UNK: variants seen among roughly 807,000 people sequenced by gnomAD.
UNK encodes RING finger protein unkempt homolog.
In UNK, 32 loss-of-function variants were observed where a neutral mutation model predicts 97.6. The ratio of observed to expected loss-of-function variants is 0.33; its 90% CI spans 0.25 to 0.44. The LOEUF (loss-of-function observed/expected upper bound fraction) is 0.44, where lower values mean the gene tolerates loss of function less well. Ranked by LOEUF, UNK falls within the 20% of genes least tolerant of loss-of-function variation. The probability of loss-of-function intolerance (pLI) is 1.00; values close to 1 mark genes in which losing one functional copy is unlikely to be tolerated. For synonymous variants in UNK, 441 were observed against 461.2 expected, an observed-to-expected ratio of 0.96 and a Z score of 0.56; for missense variants, 771 against 1,098.4, an observed-to-expected ratio of 0.70 and a Z score of 4.21.
intron 1 of UNK, among the ~76,000 whole-genome samples, chr17:75,804,014 T>C (rs554955598): frequency 6.6e-6 from 1 of 152,372 alleles, no homozygotes; most frequent in East Asian, 1.9e-4. Flanking sequence ...TCATATGTCA[T>C]GTTAAACTGC....
In UNK at chr17:75,823,630, C is replaced by A. The variant is rs1279757602; in HGVS notation, c.2277+108C>A. On this transcript the variant is annotated intron_variant, in intron 15 of 15. Coordinates refer to ENST00000589666, the MANE Select transcript of UNK (RefSeq NM_001080419.3). ...CAGGGATGGCCACCCTCCTGAGAGC[C>A]TCTGCCCAGCACTGGGCCAGCACTC... 2.9e-6 allele frequency: 4 copies of A among 1,400,180 alleles called. No homozygotes were observed. The African/African-American group carries it at 5.8e-5, about 20-fold the overall frequency. 86.7% of individuals were successfully genotyped at this position (1,400,180 alleles called of 1,614,324 possible). A position where few individuals can be genotyped will look rare whatever the true frequency, so the allele number is the denominator to read the frequency against.
At chr17:75,813,974 A>G (rs762618658) in intron 6 of UNK, 96 bp downstream of exon 6, 11 of 1,121,840 alleles carry the variant, frequency 9.8e-6, no homozygotes, top group Non-Finnish European at 1.4e-5. Context: ...TCCTGATGCC[A>G]TCCTGGAAGA....
At chr17:75,806,081 CA>C (rs200377291) in intron 1 of UNK, among the ~76,000 whole-genome samples, 2,495 of 113,088 alleles carry the variant, frequency 0.022, 32 homozygotes, top group Middle Eastern at 0.065. Flanking sequence ...CTATCCTGGG[CA>C]AAAAAGCGAG....
chr17:75,820,857 G>A (rs1197462333), intron 13 of UNK, among the ~76,000 whole-genome samples: 1 of 152,092 alleles, frequency 6.6e-6, no homozygotes, highest in African/African-American at 2.4e-5. Flanking sequence ...ATTTTGCTCG[G>A]GCCCAGGGAA....
chr17:75,800,413 C>CGATT (rs959930259), intron 1 of UNK, among the ~76,000 whole-genome samples: 1 of 150,584 alleles, frequency 6.6e-6, no homozygotes, highest in African/African-American at 2.4e-5. Context: ...CGTGATGTGA[C>CGATT]GATTGTATGA....
At chr17:75,793,683 C>T in intron 1 of UNK, 1 of 985,326 alleles carries the variant, frequency 1.0e-6, no homozygotes, top group Non-Finnish European at 1.2e-6. Flanking sequence ...TCACAGTTTG[C>T]TTTTCATGTG....
rs757873524 is a variant in UNK, at chr17:75,824,370, G to A, written c.2386G>A (p.Glu796Lys). The change falls in exon 16 of 16, where the codon GAG (glutamate) becomes AAG (lysine). Residue 796 changes from glutamate (E) to lysine (K), a missense_variant. This residue lies in a region of UNK where 208 missense variants were observed against 257.4 expected (regional missense o/e 0.81). Coordinates refer to ENST00000589666, the MANE Select transcript of UNK (RefSeq NM_001080419.3). The surrounding 1 kb of genome is among the most constrained non-coding windows in gnomAD (Gnocchi z 4.9). ...GTGTGAGCTCTGCGCTGAGGGCAGC[G>A]AGTGCCCCATCTGCCAGCCTGGCCG... The part of the protein sequence containing the change: ...ALCELCAEGS[E>K]CPICQPGRAH... The A allele has an allele frequency of 3.9e-5, 62 of 1,576,946 alleles. No homozygotes were observed. The highest frequency in any genetic ancestry group is 1.8e-5 in the Admixed American group (1 of 56,816).
chr17:75,784,869 G>A lies in UNK; in HGVS notation c.-12G>A, dbSNP rs1280105599. On this transcript the variant is annotated 5_prime_UTR_variant, in exon 1 of 16. Transcript: ENST00000589666. ...TAAAAGGGGAGCGGCGAAGAGGCAG[G>A]AAGACAAGACCATGTCGAAGGGCCC... 6 of 1,602,928 alleles carry A rather than the reference G, an allele frequency of 3.7e-6. No homozygotes were observed. In the African/African-American group the frequency reaches 5.4e-5, roughly 14 times the overall value.
At chr17:75,812,957 C>A in intron 4 of UNK, 121 bp from the exon 5 acceptor site, 1 of 1,369,296 alleles carries the variant, frequency 7.3e-7, no homozygotes, top group Non-Finnish European at 9.7e-7. Flanking sequence ...TCACATCTGG[C>A]AGGGGCCTCC....
intron 1 of UNK, among the ~76,000 whole-genome samples, chr17:75,804,987 A>G (rs1484992686): frequency 2.0e-5 from 3 of 151,484 alleles, no homozygotes; most frequent in African/African-American, 4.9e-5. Flanking sequence ...AGGTCAGGAG[A>G]TCGAGACCAC....
intron 1 of UNK, among the ~76,000 whole-genome samples, chr17:75,789,367 G>C (rs56016541): frequency 6.6e-6 from 1 of 151,140 alleles, no homozygotes; most frequent in African/African-American, 2.4e-5. Context: ...ACCGAGTCTC[G>C]CTCTGTTGCC....
chr17:75,792,897 A>G (rs946565318), intron 1 of UNK, among the ~76,000 whole-genome samples: 6 of 152,258 alleles, frequency 3.9e-5, no homozygotes, highest in Non-Finnish European at 7.3e-5. Context: ...CTTCAAGCGC[A>G]TGGCCTATTG....
Position 75,819,676 on chromosome 17 carries a change from G to A in UNK, c.1547-8G>A. On this transcript the variant is annotated splice_polypyrimidine_tract_variant and splice_region_variant and intron_variant, in intron 11 of 15. Coordinates refer to ENST00000589666, the MANE Select transcript of UNK (RefSeq NM_001080419.3). The surrounding 1 kb of genome is among the most constrained non-coding windows in gnomAD (Gnocchi z 5.4). The stretch of plus-strand genomic sequence containing the variant: ...GGGAGGTCACATCCCACTCTTCTCT[G>A]TCCCTAGAGTCTGCTTTGGATGACC... The A allele has an allele frequency of 1.2e-6, 2 of 1,613,750 alleles. No homozygotes were observed. Among genetic ancestry groups the A allele is most frequent in the Non-Finnish European group, 8.5e-7 (1 of 1,179,830 alleles).
At chr17:75,802,952 T>C (rs973795980) in intron 1 of UNK, among the ~76,000 whole-genome samples, 4 of 135,228 alleles carry the variant, frequency 3.0e-5, no homozygotes, top group Non-Finnish European at 6.2e-5. Flanking sequence ...TGGTGAAACC[T>C]CGTCTCTACT....
chr17:75,786,849 C>T (rs919832393), intron 1 of UNK, among the ~76,000 whole-genome samples: 4 of 152,060 alleles, frequency 2.6e-5, no homozygotes, highest in Non-Finnish European at 4.4e-5. Flanking sequence ...AAGAGCAAAA[C>T]TCCGTCTCAA....
chr17:75,805,484 A>T (rs1567800777), intron 1 of UNK, among the ~76,000 whole-genome samples: 1 of 152,010 alleles, frequency 6.6e-6, no homozygotes, highest in Non-Finnish European at 1.5e-5. Flanking sequence ...GACATTTTCA[A>T]AGATGAAATA....
rs938616830 is a variant in UNK, at chr17:75,822,737, TGG to T, written c.2019+82_2019+83del. ...AAGACCTTCCTTCACAGAGTGGGCG[TGG>T]GGTGGGGGAAAGCGGGGGCTGGAAG... On this transcript the variant is annotated intron_variant, in intron 14 of 15. Transcript: ENST00000589666. The T allele has an allele frequency of 2.1e-6, 3 of 1,421,268 alleles. No homozygotes were observed. In the African/African-American group the frequency reaches 4.4e-5, roughly 21 times the overall value. 88.0% of individuals were successfully genotyped at this position (1,421,268 alleles called of 1,614,324 possible).
Position 75,816,856 on chromosome 17 carries a change from G to A in UNK, c.1048G>A (p.Ala350Thr), listed in dbSNP as rs201667287. Residue 350 changes from alanine (A) to threonine (T), a missense_variant, in exon 8 of 16, where the codon GCC becomes ACC. Around this residue, in one of 5 missense-constraint regions of UNK, gnomAD observed 192 missense variants for 202.4 expected, o/e 0.95. Coordinates refer to ENST00000589666, the MANE Select transcript of UNK (RefSeq NM_001080419.3). This position sits in a 1 kb window ranked among gnomAD's most constrained non-coding sequence, Gnocchi z 4.0. ...TCCTGTCCTGTACATGCCATCTGCC[G>A]CCGGAGACTCGGTGCCTGTGAGCCC... ...PGPVLYMPSA[A>T]GDSVPVSPSS... 2.5e-4 allele frequency: 396 copies of A among 1,607,152 alleles called. No homozygotes were observed. The highest frequency in any genetic ancestry group is 6.4e-4 in the South Asian group (58 of 90,704).
At position 75,824,357 on chromosome 17, in the gene UNK, C is replaced by T. The variant is rs377658351; in HGVS notation, c.2373C>T (p.Cys791=). The change falls in exon 16 of 16, where the codon TGC becomes TGT. Residue 791 remains cysteine, a synonymous_variant. Coordinates refer to ENST00000589666, the MANE Select transcript of UNK (RefSeq NM_001080419.3). The surrounding 1 kb of genome is among the most constrained non-coding windows in gnomAD (Gnocchi z 4.9). The part of the protein sequence containing the change: ...PCQHAALCEL[C]AEGSECPICQ... ...AACACGCTGCGCTGTGTGAGCTCTG[C>T]GCTGAGGGCAGCGAGTGCCCCATCT... is the stretch of plus-strand genomic sequence containing the variant. 42 of 1,590,546 alleles carry T rather than the reference C, an allele frequency of 2.6e-5. No homozygotes were observed. Among genetic ancestry groups the T allele is most frequent in the African/African-American group, 1.2e-4 (9 of 74,016 alleles).
Sources: allele counts gnomAD v4.1 joint callset (sites outside exome capture counted in the v4.1 genomes callset), GRCh38; gene constraint gnomAD v4.1.1; regional missense constraint gnomAD v4.1.1; non-coding constraint Gnocchi (gnomAD v3.1); transcripts MANE v1.5; gene names NCBI Gene and HGNC (gene_info 2026-07-23, HGNC 2026-07-21).